SAMD5: variants seen among roughly 807,000 people sequenced by gnomAD.
SAMD5 encodes the protein sterile alpha motif domain-containing protein 5.
SAMD5 carries 13 observed loss-of-function variants against 11.3 expected under a neutral mutation model. The observed-to-expected ratio is 1.15, with a 90% CI of 0.75 to 1.83. The LOEUF (loss-of-function observed/expected upper bound fraction) is 1.83. Ranked by LOEUF, SAMD5 falls within the 40% of genes most tolerant of loss-of-function variation. The pLI is 0.00. For missense variants in SAMD5, 255 were observed against 239.1 expected, an observed-to-expected ratio of 1.07 and a Z score of -0.44; for synonymous variants, 129 against 111.3, an observed-to-expected ratio of 1.16 and a Z score of -1.00.
chr6:147,624,816 C>A (rs1258667443), intron 1 of SAMD5, among the ~76,000 whole-genome samples: 1 of 151,810 alleles, frequency 6.6e-6, no homozygotes, highest in African/African-American at 2.4e-5. Flanking sequence ...CACAAATCAC[C>A]ACTAAACAAC....
At chr6:147,536,688 C>G (rs1004491252) in intron 1 of SAMD5, among the ~76,000 whole-genome samples, 1 of 151,842 alleles carries the variant, frequency 6.6e-6, no homozygotes, top group Admixed American at 6.6e-5. Flanking sequence ...CTATAATGGA[C>G]TAGGAATTTT....
intron 1 of SAMD5, among the ~76,000 whole-genome samples, chr6:147,545,346 A>G (rs972295730): frequency 6.6e-6 from 1 of 152,224 alleles, no homozygotes; most frequent in South Asian, 2.1e-4. Context: ...TTGAAATTCA[A>G]GTAAATGGAA....
At chr6:147,855,980 G>A in the SAMD5 span, among the ~76,000 whole-genome samples, 1,807 of 152,246 alleles carry the variant, frequency 0.012, 39 homozygotes, top group South Asian at 0.073. Context: ...GTGCATGAAT[G>A]TACATGCAAA....
intron 1 of SAMD5, among the ~76,000 whole-genome samples, chr6:147,722,068 C>T (rs1340214075): frequency 4.6e-5 from 7 of 152,096 alleles, no homozygotes; most frequent in Non-Finnish European, 1.0e-4. Context: ...AAAATTTATG[C>T]CAATATGCCT....
At chr6:147,641,696 G>A (rs960787212) in intron 1 of SAMD5, among the ~76,000 whole-genome samples, 1 of 151,004 alleles carries the variant, frequency 6.6e-6, no homozygotes, top group Non-Finnish European at 1.5e-5. Context: ...TAAGAGTTAT[G>A]TACATGGTTA....
intron 1 of SAMD5, among the ~76,000 whole-genome samples, chr6:147,577,300 G>T (rs1216509809): frequency 6.6e-6 from 1 of 152,112 alleles, no homozygotes; most frequent in East Asian, 1.9e-4. Flanking sequence ...ATTCCTTTTA[G>T]AAAACGTTTG....
intron 1 of SAMD5, among the ~76,000 whole-genome samples, chr6:147,735,984 A>G (rs1258603794): frequency 1.3e-5 from 2 of 152,166 alleles, no homozygotes; most frequent in Non-Finnish European, 2.9e-5. Flanking sequence ...AATGTGACTA[A>G]TATTATATGT....
At chr6:147,837,068 C>T in the SAMD5 span, among the ~76,000 whole-genome samples, 1 of 152,182 alleles carries the variant, frequency 6.6e-6, no homozygotes, top group Non-Finnish European at 1.5e-5. Context: ...TCAATATGCT[C>T]TTCCTAGAGA....
chr6:147,935,336 A>G, the SAMD5 span, among the ~76,000 whole-genome samples: 1 of 152,188 alleles, frequency 6.6e-6, no homozygotes, highest in African/African-American at 2.4e-5. Flanking sequence ...AGGGGTTAAT[A>G]GATGCGATGC....
At chr6:147,810,284 T>A in the SAMD5 span, among the ~76,000 whole-genome samples, 2 of 152,312 alleles carry the variant, frequency 1.3e-5, no homozygotes, top group East Asian at 1.9e-4. Context: ...TGGCATAGTG[T>A]TCTGAGGATG....
At chr6:147,858,885 G>A in the SAMD5 span, among the ~76,000 whole-genome samples, 4 of 152,270 alleles carry the variant, frequency 2.6e-5, no homozygotes, top group South Asian at 2.1e-4. Context: ...GAATACAGCC[G>A]TGAACCATGG....
intron 1 of SAMD5, among the ~76,000 whole-genome samples, chr6:147,651,837 T>C (rs951694150): frequency 2.6e-5 from 4 of 152,172 alleles, no homozygotes; most frequent in Non-Finnish European, 5.9e-5. Context: ...TTAGAGATTC[T>C]TTTACCAACT....
chr6:147,846,583 G>A, the SAMD5 span, among the ~76,000 whole-genome samples: 1 of 152,196 alleles, frequency 6.6e-6, no homozygotes, highest in Non-Finnish European at 1.5e-5. Context: ...ACTTGGAGAG[G>A]CCAAGGCAGG....
rs957119160 is a variant in SAMD5 at position 147,566,938 on chromosome 6, C to T, written c.*2482C>T. 2.3e-6 allele frequency: 2 copies of T among 870,320 alleles called. No individual in the cohort carries two copies. The highest frequency in any genetic ancestry group is 3.7e-5 in the African/African-American group (2 of 54,540). The allele number at this position is 870,320 out of a possible 1,614,324, so 53.9% of individuals were successfully genotyped here. A position where few individuals can be genotyped will look rare whatever the true frequency, so the allele number is the denominator to read the frequency against. ...AGCGTTTTTCCTCTGTATCTAAACA[C>T]CAATAATATACTTAATTTTTGAATA... On this transcript the variant is annotated 3_prime_UTR_variant, in exon 2 of 2. Coordinates refer to ENST00000367474, the MANE Select transcript of SAMD5 (RefSeq NM_001030060.3).
chr6:147,667,176 T>G (rs1790734675), intron 1 of SAMD5, among the ~76,000 whole-genome samples: 2 of 152,342 alleles, frequency 1.3e-5, no homozygotes, highest in South Asian at 4.1e-4. Flanking sequence ...TTTACAGAGA[T>G]AAGCATAAGG....
the SAMD5 span, among the ~76,000 whole-genome samples, chr6:147,940,481 G>A: frequency 6.6e-6 from 1 of 152,148 alleles, no homozygotes; most frequent in African/African-American, 2.4e-5. Context: ...AAGGTGGGCT[G>A]CATTGCAGCT....
Position 147,726,784 on chromosome 6 carries a change from C to T in SAMD5, c.163-10533C>T, listed in dbSNP as rs532668766. ...GTGACATAAAGTCATCATAAGGATTCCAAGAAAGAGGTGGGCGGAGGGCTT... is the reference window on the plus strand; with the variant it reads ...GTGACATAAAGTCATCATAAGGATTTCAAGAAAGAGGTGGGCGGAGGGCTT... On this transcript the variant is annotated intron_variant, in intron 1 of 1. Transcript: ENST00000566741. 1.4e-3 allele frequency among the ~76,000 whole-genome samples: 209 copies of T among 152,286 alleles called. 1 individual carries two copies. The highest frequency in any genetic ancestry group is 4.5e-3 in the African/African-American group (186 of 41,560).
chr6:147,752,556 A>G, the SAMD5 span, among the ~76,000 whole-genome samples: 1 of 151,984 alleles, frequency 6.6e-6, no homozygotes, highest in Non-Finnish European at 1.5e-5. Context: ...AGTAATAATT[A>G]TAGTATTGAA....
chr6:147,657,044 C>T (rs1028016389), intron 1 of SAMD5, among the ~76,000 whole-genome samples: 6 of 151,998 alleles, frequency 3.9e-5, no homozygotes, highest in South Asian at 2.1e-4. Flanking sequence ...AGTATTTATA[C>T]GCACTGTGTA....
Sources: gnomAD v4.1 joint callset for allele counts (sites outside exome capture counted in the v4.1 genomes callset) on GRCh38, gnomAD v4.1.1 for gene constraint, MANE v1.5 for transcripts, NCBI Gene and HGNC (gene_info 2026-07-23, HGNC 2026-07-21) for gene names.